Variants in DOK5 observed in about 807,000 individuals in gnomAD.
DOK5 encodes downstream of tyrosine kinase 5.
In DOK5, 27 loss-of-function variants were observed where a neutral mutation model predicts 43.3. That is an observed-to-expected ratio of 0.62 (90% confidence interval 0.46 to 0.86). The LOEUF is 0.86. DOK5 is among the 40% of genes least tolerant of loss of function. The probability of loss-of-function intolerance (pLI) is 0.00; values close to 1 mark genes in which losing one functional copy is unlikely to be tolerated. For missense variants in DOK5, 373 were observed against 392.9 expected, an observed-to-expected ratio of 0.95 and a Z score of 0.43; for synonymous variants, 146 against 140.1, an observed-to-expected ratio of 1.04 and a Z score of -0.30.
chr20:54,573,517 C>G (rs534581259), intron 2 of DOK5, among the ~76,000 whole-genome samples: 1 of 151,966 alleles, frequency 6.6e-6, no homozygotes, highest in Admixed American at 6.6e-5. Context: ...GAAACCCCAT[C>G]TCTACTAAAA....
intron 2 of DOK5, among the ~76,000 whole-genome samples, chr20:54,568,883 G>A (rs1370702514): frequency 1.3e-5 from 2 of 150,084 alleles, no homozygotes. Flanking sequence ...AGTGAGCCGA[G>A]TTCACGCCAC....
chr20:54,611,677 G>A (rs891442664), intron 6 of DOK5, among the ~76,000 whole-genome samples: 10 of 152,178 alleles, frequency 6.6e-5, no homozygotes, highest in African/African-American at 1.9e-4. Flanking sequence ...CACATCATGC[G>A]TTGTGGCTGC....
intron 2 of DOK5, among the ~76,000 whole-genome samples, chr20:54,577,700 A>G (rs1190244790): frequency 1.3e-5 from 2 of 152,228 alleles, no homozygotes; most frequent in South Asian, 2.1e-4. Context: ...CTCTTGTTAC[A>G]TGAGGGGTCT....
intron 1 of DOK5, among the ~76,000 whole-genome samples, chr20:54,537,644 A>G (rs575219772): frequency 6.6e-6 from 1 of 152,290 alleles, no homozygotes; most frequent in South Asian, 2.1e-4. Flanking sequence ...GAGAAAAAAT[A>G]GACTGGAAAA....
At chr20:54,618,891 C>T (rs1454266099) in intron 6 of DOK5, among the ~76,000 whole-genome samples, 4 of 150,820 alleles carry the variant, frequency 2.7e-5, no homozygotes, top group Admixed American at 2.6e-4. Context: ...ATGGTGCATG[C>T]CTGCAGTTCT....
At chr20:54,529,972 A>G (rs1460847110) in intron 1 of DOK5, among the ~76,000 whole-genome samples, 8 of 152,218 alleles carry the variant, frequency 5.3e-5, no homozygotes, top group Non-Finnish European at 1.2e-4. Flanking sequence ...CTATTCATCC[A>G]TTTATACATT....
At chr20:54,482,922 A>T (rs1981779410) in intron 1 of DOK5, among the ~76,000 whole-genome samples, 1 of 152,216 alleles carries the variant, frequency 6.6e-6, no homozygotes, top group African/African-American at 2.4e-5. Flanking sequence ...AGGCTTTGGG[A>T]TAACTTTACC....
At chr20:54,575,587 C>A (rs146905064) in intron 2 of DOK5, among the ~76,000 whole-genome samples, 1,896 of 152,158 alleles carry the variant, frequency 0.012, 44 homozygotes, top group African/African-American at 0.044. Context: ...ACAACAGGCA[C>A]CCGCCACCAT....
chr20:54,554,872 C>T, intron 1 of DOK5, 61 bp from the exon 2 acceptor site: 1 of 1,052,556 alleles, frequency 9.5e-7, no homozygotes, highest in South Asian at 1.3e-5. Context: ...AAAAAGAAAA[C>T]ATTTAAATGC....
At chr20:54,479,171 G>A (rs1422483103) in intron 1 of DOK5, among the ~76,000 whole-genome samples, 33 of 152,058 alleles carry the variant, frequency 2.2e-4, no homozygotes, top group Admixed American at 2.2e-3. Flanking sequence ...AAATCCTAAA[G>A]AGTTTAAATG....
At chr20:54,520,309 C>T (rs540716142) in intron 1 of DOK5, among the ~76,000 whole-genome samples, 1 of 152,264 alleles carries the variant, frequency 6.6e-6, no homozygotes, top group African/African-American at 2.4e-5. Flanking sequence ...GTGTTCAAAA[C>T]ACATCTGGAT....
chr20:54,501,242 T>C (rs554434112), intron 1 of DOK5, among the ~76,000 whole-genome samples: 4 of 150,538 alleles, frequency 2.7e-5, no homozygotes, highest in Admixed American at 6.6e-5. Context: ...CCAAGGCGGG[T>C]GGATCAGGAG....
intron 1 of DOK5, among the ~76,000 whole-genome samples, chr20:54,479,585 T>C (rs1981584099): frequency 6.6e-6 from 1 of 152,224 alleles, no homozygotes; most frequent in African/African-American, 2.4e-5. Flanking sequence ...ATCATTGTCA[T>C]GGCTTGCCCA....
chr20:54,558,143 G>A (rs995689287), intron 2 of DOK5, among the ~76,000 whole-genome samples: 2 of 152,152 alleles, frequency 1.3e-5, no homozygotes, highest in African/African-American at 4.8e-5. Context: ...AAGAAACTTT[G>A]ATTTGGAGAA....
chr20:54,589,682 G>A (rs1462947073), intron 4 of DOK5, among the ~76,000 whole-genome samples: 2 of 152,130 alleles, frequency 1.3e-5, no homozygotes, highest in Non-Finnish European at 2.9e-5. Flanking sequence ...GTTTGATTAC[G>A]GACATGGCAG....
chr20:54,552,292 C>T (rs546994682), intron 1 of DOK5, among the ~76,000 whole-genome samples: 34 of 152,124 alleles, frequency 2.2e-4, no homozygotes, highest in African/African-American at 8.2e-4. Context: ...TATTCTGCTT[C>T]ACCCCTCCCC....
At chr20:54,572,510 G>C (rs1032336305) in intron 2 of DOK5, among the ~76,000 whole-genome samples, 16 of 151,996 alleles carry the variant, frequency 1.1e-4, no homozygotes, top group Non-Finnish European at 1.5e-5. Context: ...CAGCCAGTTA[G>C]ATTGGAAAAA....
At chr20:54,482,362 T>C (rs1981753440) in intron 1 of DOK5, among the ~76,000 whole-genome samples, 1 of 152,242 alleles carries the variant, frequency 6.6e-6, no homozygotes, top group Non-Finnish European at 1.5e-5. Context: ...CCTGACCTGG[T>C]ATGCCACAAA....
intron 1 of DOK5, among the ~76,000 whole-genome samples, chr20:54,525,776 T>C (rs1023312412): frequency 6.6e-6 from 1 of 152,228 alleles, no homozygotes; most frequent in African/African-American, 2.4e-5. Flanking sequence ...AAAATTTTTG[T>C]GGTTTTGCAA....
Sources: allele counts gnomAD v4.1 joint callset (sites outside exome capture counted in the v4.1 genomes callset), GRCh38; gene constraint gnomAD v4.1.1; transcripts MANE v1.5; gene names NCBI Gene and HGNC (gene_info 2026-07-23, HGNC 2026-07-21).